C1orf94: variants seen among roughly 807,000 people sequenced by gnomAD.
The protein encoded by C1orf94 is uncharacterized protein C1orf94.
A neutral mutation model predicts 53.6 loss-of-function variants in C1orf94; 45 were observed. The observed-to-expected ratio is 0.84, with a 90% confidence interval of 0.66 to 1.08. The LOEUF is 1.08. C1orf94 is among the 50% of genes least tolerant of loss of function. C1orf94 has a pLI of 0.00. For missense variants in C1orf94, 762 were observed against 738.9 expected, an observed-to-expected ratio of 1.03 and a Z score of -0.36; for synonymous variants, 304 against 296.1, an observed-to-expected ratio of 1.03 and a Z score of -0.27.
intron 1 of C1orf94, among the ~76,000 whole-genome samples, chr1:34,194,589 A>G (rs1242164810): frequency 6.6e-6 from 1 of 152,168 alleles, no homozygotes; most frequent in Non-Finnish European, 1.5e-5. Context: ...CTATGTAACC[A>G]TTACCTGGCT....
chr1:34,208,604 G>A (rs1252766232), intron 5 of C1orf94, among the ~76,000 whole-genome samples: 1 of 152,220 alleles, frequency 6.6e-6, no homozygotes, highest in East Asian at 1.9e-4. Flanking sequence ...TACAAATTAG[G>A]TGTTGCTGTG....
chr1:34,184,057 C>T (rs1377981253), intron 1 of C1orf94, among the ~76,000 whole-genome samples: 1 of 152,086 alleles, frequency 6.6e-6, no homozygotes, highest in African/African-American at 2.4e-5. Flanking sequence ...CATGACTGAA[C>T]ATTGTACTTG....
chr1:34,199,552 G>C (rs1015481327), intron 2 of C1orf94, among the ~76,000 whole-genome samples: 1 of 152,192 alleles, frequency 6.6e-6, no homozygotes, highest in African/African-American at 2.4e-5. Context: ...GTGGGATCTG[G>C]TCTATTATTA....
intron 1 of C1orf94, among the ~76,000 whole-genome samples, chr1:34,169,639 G>GAGAGAGAGAGAGAGAGAGAGAGAGA (rs1333033191): frequency 7.0e-6 from 1 of 142,870 alleles, no homozygotes; most frequent in African/African-American, 2.6e-5. Context: ...GAGAGAGTGA[G>GAGAGAGAGAGAGAGAGAGAGAGAGA]CAAATGGGAG....
chr1:34,216,584 G>A (rs1420274615), intron 6 of C1orf94, among the ~76,000 whole-genome samples: 1 of 152,068 alleles, frequency 6.6e-6, no homozygotes, highest in African/African-American at 2.4e-5. Context: ...AGACAAGGAA[G>A]GTCAGCAGAA....
Position 34,177,811 on chromosome 1 carries a change from G to A in C1orf94, c.22G>A (p.Val8Ile), listed in dbSNP as rs2148610634. The A allele has an allele frequency of 1.9e-6, 3 of 1,544,856 alleles. No individual in the cohort carries two copies. The East Asian group carries it at 7.4e-5, about 38-fold the overall frequency. MRGGGGC[V>I]LALGGQRGFQ... The stretch of plus-strand genomic sequence containing the variant: ...GTGAATGAGGGGTGGTGGTGGTTGT[G>A]TTCTAGCCCTGGGTGGACAGAGGGG... Residue 8 changes from valine to isoleucine, a missense_variant, in exon 1 of 7, where the codon GTT (valine) becomes ATT (isoleucine). Transcript: ENST00000488417.
rs1642908674 is a variant in C1orf94 at position 34,212,404 on chromosome 1, T to C, written c.1719T>C (p.Tyr573=). 1 of 1,607,480 alleles carries C rather than the reference T, an allele frequency of 6.2e-7. No individual in the cohort carries two copies. Residue 573 remains tyrosine, a splice_region_variant and synonymous_variant, in exon 6 of 7, where the codon TAT becomes TAC. Coordinates refer to ENST00000488417, the MANE Select transcript of C1orf94 (RefSeq NM_001134734.2). The part of the protein sequence containing the change: ...DGPQYLFPQG[Y]GFGSTSGGPL... ...CGCAGTACCTCTTTCCCCAAGGATA[T>C]GGGTGAGTCAGCCCACACTGGGAGC...
At chr1:34,182,079 A>T (rs60609923) in intron 1 of C1orf94, among the ~76,000 whole-genome samples, 2 of 152,028 alleles carry the variant, frequency 1.3e-5, no homozygotes, top group Non-Finnish European at 2.9e-5. Context: ...CTGTAGTTCT[A>T]GCTACTCGGG....
At chr1:34,172,015 C>A (rs1642152012), upstream of C1orf94, among the ~76,000 whole-genome samples, 4 of 152,304 alleles carry the variant, frequency 2.6e-5, no homozygotes, top group South Asian at 8.3e-4. Flanking sequence ...ATCATCTCAG[C>A]AGTAAGGTAG....
chr1:34,209,086 G>A lies in C1orf94; in HGVS notation c.1524+852G>A, dbSNP rs530703703. On this transcript the variant is annotated intron_variant, in intron 5 of 6. Coordinates refer to ENST00000488417, the MANE Select transcript of C1orf94 (RefSeq NM_001134734.2). Reference sequence around the variant, plus strand: ...TGTATTAGTTATCTGAAATTTGAACGTAACTGGGTGTCCTGTATTTTTATT... The same window carrying A: ...TGTATTAGTTATCTGAAATTTGAACATAACTGGGTGTCCTGTATTTTTATT... Among the ~76,000 whole-genome samples the A allele has an allele frequency of 1.2e-3, 181 of 152,210 alleles. 2 individuals are homozygous for A. The highest frequency in any genetic ancestry group is 3.5e-3 in the South Asian group (17 of 4,826).
intron 1 of C1orf94, among the ~76,000 whole-genome samples, chr1:34,190,913 T>C (rs1642471048): frequency 6.6e-6 from 1 of 152,192 alleles, no homozygotes; most frequent in African/African-American, 2.4e-5. Context: ...AGTTTGGCAA[T>C]TTGGGTTGGG....
At chr1:34,204,808 T>C (rs773443360) in intron 4 of C1orf94, among the ~76,000 whole-genome samples, 3 of 151,944 alleles carry the variant, frequency 2.0e-5, no homozygotes, top group Non-Finnish European at 4.4e-5. Context: ...GATAGGAGAA[T>C]TGCTTGAGCT....
intron 1 of C1orf94, among the ~76,000 whole-genome samples, chr1:34,168,983 A>G (rs970942465): frequency 6.6e-6 from 1 of 152,174 alleles, no homozygotes; most frequent in South Asian, 2.1e-4. Flanking sequence ...AAATATATGT[A>G]AAGAGATATC....
At chr1:34,212,125 G>A (rs958340294) in intron 5 of C1orf94, 85 bp from the exon 6 acceptor site, 2 of 1,266,630 alleles carry the variant, frequency 1.6e-6, no homozygotes, top group Non-Finnish European at 2.2e-6. Context: ...GAGGAGCACA[G>A]GGGCTGAGAC....
At chr1:34,184,286 G>A (rs997937685) in intron 1 of C1orf94, among the ~76,000 whole-genome samples, 1 of 152,184 alleles carries the variant, frequency 6.6e-6, no homozygotes, top group African/African-American at 2.4e-5. Context: ...GAGCCCAGCA[G>A]CAGGCGCAGG....
Position 34,197,862 on chromosome 1 carries a change from A to T in C1orf94, c.958A>T (p.Ile320Phe), listed in dbSNP as rs758119685. The T allele has an allele frequency of 6.2e-7, 1 of 1,614,122 alleles. No individual in the cohort carries two copies. Among genetic ancestry groups the T allele is most frequent in the South Asian group, 1.1e-5 (1 of 91,080 alleles). The change falls in exon 2 of 7, where the codon ATC becomes TTC. Residue 320 changes from isoleucine to phenylalanine, a missense_variant. Physicochemically the swap from Ile to Phe is conservative, Grantham distance 21. Transcript: ENST00000488417. The surrounding 1 kb of genome is among the most constrained non-coding windows in gnomAD (Gnocchi z 4.1). ...GAGGCAGCTCCCAGTGTTTGCCAAG[A>T]TCTGTTCCAAGCCCAAGGCTGACCC... ...QKRQLPVFAKICSKPKADPAV... is the reference protein window; with the variant it reads ...QKRQLPVFAKFCSKPKADPAV...
chr1:34,202,154 T>C lies in C1orf94; in HGVS notation c.1341T>C (p.Phe447=). 4 of 1,614,206 alleles carry C rather than the reference T, an allele frequency of 2.5e-6. No homozygotes were observed. The highest frequency in any genetic ancestry group is 3.4e-6 in the Non-Finnish European group (4 of 1,180,036). ...CAGGGAATGTTTTCACTCCACACTT[T>C]CCTACAGCCATGACCTCAGCAACCC... ...KYTGNVFTPH[F]PTAMTSATLN... Residue 447 remains phenylalanine (F), a synonymous_variant, in exon 4 of 7, where the codon TTT becomes TTC. Coordinates refer to ENST00000488417, the MANE Select transcript of C1orf94 (RefSeq NM_001134734.2).
At chr1:34,193,810 G>A (rs78719348) in intron 1 of C1orf94, among the ~76,000 whole-genome samples, 9 of 152,248 alleles carry the variant, frequency 5.9e-5, no homozygotes, top group Non-Finnish European at 2.9e-5. Context: ...TGTAGAGGCT[G>A]GCAAGAGAAG....
intron 3 of C1orf94, 145 bp from the exon 4 acceptor site, chr1:34,201,939 T>C: frequency 1.4e-6 from 1 of 707,924 alleles, no homozygotes; most frequent in Non-Finnish European, 2.3e-6. Context: ...GTTGGAAATG[T>C]ACTAGAACTT....
Sources: allele counts gnomAD v4.1 joint callset (sites outside exome capture counted in the v4.1 genomes callset), GRCh38; gene constraint gnomAD v4.1.1; non-coding constraint Gnocchi (gnomAD v3.1); transcripts MANE v1.5; gene names NCBI Gene and HGNC (gene_info 2026-07-23, HGNC 2026-07-21).